Variants in SH3PXD2A observed in about 807,000 individuals in gnomAD.
SH3PXD2A encodes the protein SH3 and PX domain-containing protein 2A.
Under a neutral mutation model 115.2 loss-of-function variants are expected in SH3PXD2A, and 32 were observed. The observed-to-expected ratio is 0.28, with a 90% CI of 0.21 to 0.37. The LOEUF is 0.37. Among genes scored for constraint, SH3PXD2A ranks in the 10% least tolerant of loss-of-function variants. The probability of loss-of-function intolerance (pLI) is 1.00; values close to 1 mark genes in which losing one functional copy is unlikely to be tolerated. For synonymous variants in SH3PXD2A, 610 were observed against 629.1 expected, an observed-to-expected ratio of 0.97 and a Z score of 0.45; for missense variants, 1,328 against 1,498.7, an observed-to-expected ratio of 0.89 and a Z score of 1.88.
intron 7 of SH3PXD2A, 139 bp downstream of exon 7, chr10:103,668,469 G>C: frequency 2.7e-6 from 2 of 741,374 alleles, no homozygotes; most frequent in Non-Finnish European, 4.7e-6. Flanking sequence ...GGCACAGCAA[G>C]TGGCAGACCC....
Position 103,627,013 on chromosome 10 carries a change from G to C in SH3PXD2A, c.718+76C>G, listed in dbSNP as rs1193600828. On this transcript the variant is annotated intron_variant, in intron 9 of 14. Coordinates refer to ENST00000369774, the MANE Select transcript of SH3PXD2A (RefSeq NM_001394015.1). This position sits in a 1 kb window ranked among gnomAD's most constrained non-coding sequence, Gnocchi z 4.4. ...CTCAGCTCACTTTAGGGGTTCTGTT[G>C]GTTCTAGGGAAAGAGTGAGAGAGCT... 8.7e-6 allele frequency: 7 copies of C among 803,152 alleles called. No individual in the cohort carries two copies. The African/African-American group carries it at 1.2e-4, about 14-fold the overall frequency. The allele number at this position is 803,152 out of a possible 1,614,324, so 49.8% of individuals were successfully genotyped here.
chr10:103,682,283 G>C (rs569492515), intron 6 of SH3PXD2A, among the ~76,000 whole-genome samples: 12 of 152,260 alleles, frequency 7.9e-5, no homozygotes, highest in African/African-American at 2.9e-4. Context: ...GAGCCAGGGA[G>C]CGTGGCGCAG....
At chr10:103,843,519 CA>C (rs2039620237) in intron 1 of SH3PXD2A, among the ~76,000 whole-genome samples, 1 of 152,184 alleles carries the variant, frequency 6.6e-6, no homozygotes, top group Non-Finnish European at 1.5e-5. Flanking sequence ...GGCAAGAGTT[CA>C]AGGGGAATAC....
chr10:103,798,081 C>T lies in SH3PXD2A; in HGVS notation c.153+3201G>A, dbSNP rs973126117. Among the ~76,000 whole-genome samples the T allele has an allele frequency of 5.3e-5, 8 of 152,134 alleles. No homozygotes were observed. The South Asian group carries it at 6.2e-4, about 12-fold the overall frequency. The stretch of plus-strand genomic sequence containing the variant: ...GGCCGCCTCGTGGGTGCCTGGCCTT[C>T]GGGAACAAAGGAAAACATCTGAAGA... On this transcript the variant is annotated intron_variant, in intron 2 of 14. Coordinates refer to ENST00000369774, the MANE Select transcript of SH3PXD2A (RefSeq NM_001394015.1).
At position 103,666,412 on chromosome 10, in the gene SH3PXD2A, A is replaced by G. The variant is rs1181405809; in HGVS notation, c.472+2196T>C. On this transcript the variant is annotated intron_variant, in intron 7 of 14. Coordinates refer to ENST00000369774, the MANE Select transcript of SH3PXD2A (RefSeq NM_001394015.1). This position sits in a 1 kb window ranked among gnomAD's most constrained non-coding sequence, Gnocchi z 4.5. ...TCTGTCCTCCAGGAGGCTCCTGATC[A>G]CTCTTGTTCCCTCTTTTCTGTTCCC... 6.6e-6 allele frequency among the ~76,000 whole-genome samples: 1 copy of G among 151,026 alleles called. No homozygotes were observed. Among genetic ancestry groups the G allele is most frequent in the Non-Finnish European group, 1.5e-5 (1 of 67,798 alleles).
At chr10:103,748,293 T>C (rs767499488) in intron 3 of SH3PXD2A, among the ~76,000 whole-genome samples, 8 of 152,184 alleles carry the variant, frequency 5.3e-5, no homozygotes, top group Non-Finnish European at 7.3e-5. Context: ...GAGCTGGGAT[T>C]GGGTGTGCCA....
chr10:103,745,533 A>G (rs780903160), intron 3 of SH3PXD2A, among the ~76,000 whole-genome samples: 13 of 152,188 alleles, frequency 8.5e-5, no homozygotes, highest in Non-Finnish European at 1.5e-4. Context: ...CTGTAAAAGC[A>G]TTTAGCATGG....
chr10:103,843,208 T>C (rs902022147), intron 1 of SH3PXD2A, among the ~76,000 whole-genome samples: 2 of 152,152 alleles, frequency 1.3e-5, no homozygotes, highest in South Asian at 2.1e-4. Flanking sequence ...AGCTAATGAG[T>C]GGCAGGGCTG....
At chr10:103,613,348 G>C (rs939134528) in intron 11 of SH3PXD2A, among the ~76,000 whole-genome samples, 158 bp from the exon 12 acceptor site, 1 of 152,160 alleles carries the variant, frequency 6.6e-6, no homozygotes, top group Non-Finnish European at 1.5e-5. Flanking sequence ...TGGCACCGAG[G>C]GTAGATGGAA....
intron 5 of SH3PXD2A, among the ~76,000 whole-genome samples, chr10:103,719,705 C>A (rs371881719): frequency 1.5e-5 from 2 of 136,470 alleles, no homozygotes; most frequent in African/African-American, 2.7e-5. Flanking sequence ...ATTTCTTTTT[C>A]TTTTTTTTTT....
At chr10:103,674,358 T>C (rs1415256264) in intron 6 of SH3PXD2A, among the ~76,000 whole-genome samples, 1 of 152,212 alleles carries the variant, frequency 6.6e-6, no homozygotes, top group Non-Finnish European at 1.5e-5. Flanking sequence ...CCAACAGGGT[T>C]ATCGGTCCTT....
Position 103,608,890 on chromosome 10 carries a change from T to C in SH3PXD2A, c.1308+2691A>G, listed in dbSNP as rs2133923616. 2.6e-5 allele frequency: 4 copies of C among 152,236 alleles called. No individual in the cohort carries two copies. The South Asian group carries it at 8.3e-4, about 32-fold the overall frequency. The allele number at this position is 152,236 out of a possible 1,614,324, so 9.4% of individuals were successfully genotyped here. On this transcript the variant is annotated intron_variant, in intron 13 of 14. Coordinates refer to ENST00000369774, the MANE Select transcript of SH3PXD2A (RefSeq NM_001394015.1). ...AAAGCAGAGAAATCTCCTGTAATCG[T>C]AGTGCTTTGGGAAGCCCAGGTGGGA...
chr10:103,614,932 C>T (rs563677722), intron 11 of SH3PXD2A, among the ~76,000 whole-genome samples: 1 of 152,308 alleles, frequency 6.6e-6, no homozygotes, highest in Admixed American at 6.5e-5. Context: ...CAGGCTGAGC[C>T]AAGCTCGCCT....
intron 2 of SH3PXD2A, among the ~76,000 whole-genome samples, chr10:103,791,565 C>T (rs1427098422): frequency 1.3e-5 from 2 of 152,258 alleles, no homozygotes; most frequent in South Asian, 2.1e-4. Context: ...GGCGGTGATT[C>T]TCAGGGCCTG....
At chr10:103,639,121 G>A (rs909517453) in intron 8 of SH3PXD2A, among the ~76,000 whole-genome samples, 4 of 152,168 alleles carry the variant, frequency 2.6e-5, no homozygotes, top group African/African-American at 9.7e-5. Context: ...GGTGCGGCAG[G>A]GCGACCCAGA....
chr10:103,642,562 G>T (rs1340216007), intron 8 of SH3PXD2A, among the ~76,000 whole-genome samples: 1 of 152,162 alleles, frequency 6.6e-6, no homozygotes, highest in Non-Finnish European at 1.5e-5. Context: ...CTTCAGATTG[G>T]CTGAAGGAAG....
intron 5 of SH3PXD2A, among the ~76,000 whole-genome samples, chr10:103,710,300 G>A (rs1268657124): frequency 6.6e-6 from 1 of 151,886 alleles, no homozygotes; most frequent in Non-Finnish European, 1.5e-5. Flanking sequence ...GCTTGAGCCT[G>A]GGAGGTGAAG....
At chr10:103,669,514 G>A (rs2037429717) in intron 6 of SH3PXD2A, among the ~76,000 whole-genome samples, 1 of 152,248 alleles carries the variant, frequency 6.6e-6, no homozygotes, top group Non-Finnish European at 1.5e-5. Context: ...GAATAGAAGA[G>A]AAGAGGGCCA....
chr10:103,797,501 A>G (rs2039103745), intron 2 of SH3PXD2A, among the ~76,000 whole-genome samples: 1 of 151,990 alleles, frequency 6.6e-6, no homozygotes, highest in Admixed American at 6.5e-5. Context: ...CCTTAATGCC[A>G]TGAGTCACCC....
Sources: gnomAD v4.1 joint callset for allele counts (sites outside exome capture counted in the v4.1 genomes callset) on GRCh38, gnomAD v4.1.1 for gene constraint, Gnocchi (gnomAD v3.1) non-coding constraint, MANE v1.5 for transcripts, NCBI Gene and HGNC (gene_info 2026-07-23, HGNC 2026-07-21) for gene names.